TMEM164: variants seen among roughly 807,000 people sequenced by gnomAD.
TMEM164 encodes the protein RP13-360B22.2.
In TMEM164, 4 loss-of-function variants were observed where a neutral mutation model predicts 18.8. The ratio of observed to expected loss-of-function variants is 0.21; its 90% confidence interval spans 0.10 to 0.49. The LOEUF is 0.49. Ranked by LOEUF, TMEM164 falls within the 20% of genes least tolerant of loss-of-function variation. The pLI is 0.98. For synonymous variants in TMEM164, 86 were observed against 101.7 expected, an observed-to-expected ratio of 0.85 and a Z score of 0.93; for missense variants, 108 against 239.9, an observed-to-expected ratio of 0.45 and a Z score of 3.63.
At chrX:110,040,950 T>C (rs1323859698) in intron 2 of TMEM164, among the ~76,000 whole-genome samples, 1 of 111,976 alleles carries the variant, frequency 8.9e-6, no homozygotes, top group East Asian at 2.8e-4. Flanking sequence ...AAGTGGGAAA[T>C]GTTTCTGTGA....
intron 2 of TMEM164, among the ~76,000 whole-genome samples, chrX:110,025,959 A>G (rs947379026): frequency 8.9e-6 from 1 of 112,641 alleles, no homozygotes; most frequent in Non-Finnish European, 1.9e-5. Flanking sequence ...AATCACTGTC[A>G]TTATGTTTTT....
intron 3 of TMEM164, among the ~76,000 whole-genome samples, chrX:110,075,944 A>T (rs761113357): frequency 9.2e-6 from 1 of 108,259 alleles, no homozygotes; most frequent in East Asian, 2.9e-4. Flanking sequence ...TCTTTGACAG[A>T]TTTTGTTATC....
intron 3 of TMEM164, among the ~76,000 whole-genome samples, chrX:110,105,463 G>A (rs2066175832): frequency 9.2e-6 from 1 of 109,008 alleles, no homozygotes; most frequent in Admixed American, 1.0e-4. Flanking sequence ...GGCTGGAGGG[G>A]GGTATAAAGT....
chrX:110,166,928 AT>A (rs1188946809), intron 5 of TMEM164, among the ~76,000 whole-genome samples: 2 of 112,474 alleles, frequency 1.8e-5, no homozygotes, highest in East Asian at 2.8e-4. Flanking sequence ...ATTTGCATAT[AT>A]CTGTGTAGAC....
At chrX:110,035,776 A>ATT (rs386417395) in intron 2 of TMEM164, among the ~76,000 whole-genome samples, 272 of 94,239 alleles carry the variant, frequency 2.9e-3, no homozygotes, top group African/African-American at 0.01. Flanking sequence ...ATGTGCTCCT[A>ATT]TTTTTTTTTT....
At chrX:110,130,378 C>T (rs903059273) in intron 4 of TMEM164, among the ~76,000 whole-genome samples, 10 of 111,856 alleles carry the variant, frequency 8.9e-5, no homozygotes, top group African/African-American at 3.2e-4. Context: ...AGTTACTTAA[C>T]CTCTTTGTGT....
chrX:110,109,080 G>T lies in TMEM164; in HGVS notation c.441G>T (p.Lys147Asn). The T allele has an allele frequency of 8.3e-7, 1 of 1,210,145 alleles. No homozygotes were observed. The highest frequency in any genetic ancestry group is 1.1e-6 in the Non-Finnish European group (1 of 894,521). ...PPCRGAIVVF[K>N]LQMHMLNGAL... ...GAACTTTATCTTTCTCCCCCTCTAGGCTACAGATGCACATGTTGAATGGAG... is the reference window on the plus strand; with the variant it reads ...GAACTTTATCTTTCTCCCCCTCTAGTCTACAGATGCACATGTTGAATGGAG... The change falls in exon 4 of 7, where the codon AAG becomes AAT. Residue 147 changes from lysine to asparagine, a missense_variant and splice_region_variant. Coordinates refer to ENST00000372068, the MANE Select transcript of TMEM164 (RefSeq NM_032227.4).
intron 3 of TMEM164, among the ~76,000 whole-genome samples, chrX:110,076,147 C>A (rs1019973935): frequency 3.7e-5 from 4 of 108,692 alleles, no homozygotes; most frequent in African/African-American, 1.3e-4. Context: ...ATTACTGATT[C>A]AATTTCAGAA....
At chrX:110,140,577 CAG>C (rs2066755746) in intron 4 of TMEM164, among the ~76,000 whole-genome samples, 1 of 111,525 alleles carries the variant, frequency 9.0e-6, no homozygotes, top group Non-Finnish European at 1.9e-5. Context: ...TTTCCACGAA[CAG>C]AGTCCACGCA....
intron 3 of TMEM164, among the ~76,000 whole-genome samples, chrX:110,068,609 A>G (rs1309639965): frequency 8.9e-6 from 1 of 112,202 alleles, no homozygotes; most frequent in Non-Finnish European, 1.9e-5. Flanking sequence ...ATCATATTGT[A>G]TATTGAGGTG....
chrX:110,144,318 G>A (rs1437017083), intron 4 of TMEM164, among the ~76,000 whole-genome samples: 3 of 111,696 alleles, frequency 2.7e-5, no homozygotes, highest in Admixed American at 1.9e-4. Flanking sequence ...ATAGTCTACC[G>A]TCTAGTCTCC....
chrX:110,142,719 A>G (rs1401043154), intron 4 of TMEM164, among the ~76,000 whole-genome samples: 1 of 113,464 alleles, frequency 8.8e-6, no homozygotes. Flanking sequence ...ACCGATGCCA[A>G]AACGGAGGTG....
intron 2 of TMEM164, among the ~76,000 whole-genome samples, chrX:110,063,328 A>G (rs748117239): frequency 1.5e-4 from 17 of 111,942 alleles, no homozygotes; most frequent in Non-Finnish European, 3.2e-4. Flanking sequence ...TACAAAAGCT[A>G]TCTTCTTTAA....
rs936790565 is a variant in TMEM164, at chrX:110,171,526, T to C, written c.687+6T>C. 2.1e-5 allele frequency: 25 copies of C among 1,174,194 alleles called. No individual in the cohort carries two copies. The highest frequency in any genetic ancestry group is 2.9e-5 in the Non-Finnish European group (25 of 862,613). ...TCTTGCAGATCCTCGGCCTGGTAAGTTTGGTTATATCCCCTTCTATCCCCT... is the reference window on the plus strand; with the variant it reads ...TCTTGCAGATCCTCGGCCTGGTAAGCTTGGTTATATCCCCTTCTATCCCCT... On this transcript the variant is annotated splice_donor_region_variant and intron_variant, in intron 6 of 6. Coordinates refer to ENST00000372068, the MANE Select transcript of TMEM164 (RefSeq NM_032227.4).
intron 2 of TMEM164, among the ~76,000 whole-genome samples, chrX:110,048,300 A>T (rs1253681552): frequency 2.7e-5 from 3 of 111,584 alleles, no homozygotes; most frequent in African/African-American, 9.8e-5. Context: ...TTTGTGTTAC[A>T]GCTCTCAAAG....
chrX:110,165,629 T>C (rs1248608703), intron 5 of TMEM164, among the ~76,000 whole-genome samples: 1 of 112,139 alleles, frequency 8.9e-6, no homozygotes, highest in Non-Finnish European at 1.9e-5. Flanking sequence ...ATACCCCAAG[T>C]CCTGTTTCCA....
chrX:110,140,266 G>T (rs2148052086), intron 4 of TMEM164, among the ~76,000 whole-genome samples: 1 of 111,529 alleles, frequency 9.0e-6, no homozygotes, highest in African/African-American at 3.3e-5. Flanking sequence ...GAGGCAGAGA[G>T]AATGGTCTGG....
Position 110,106,444 on chromosome X carries a change from G to A in TMEM164, c.441-2636G>A, listed in dbSNP as rs1408786978. On this transcript the variant is annotated intron_variant, in intron 3 of 6. Coordinates refer to ENST00000372068, the MANE Select transcript of TMEM164 (RefSeq NM_032227.4). ...GCCGGAGTGCAATGGCATGATCTTG[G>A]CTCACTGCAACCTCTGCCTCCCAGG... 2.8e-5 allele frequency among the ~76,000 whole-genome samples: 3 copies of A among 106,989 alleles called. No individual in the cohort carries two copies. In the Admixed American group the frequency reaches 3.0e-4, roughly 11 times the overall value. 92.9% of individuals were successfully genotyped at this position (106,989 alleles called of 115,157 possible).
intron 2 of TMEM164, among the ~76,000 whole-genome samples, chrX:110,025,497 A>G (rs1182359456): frequency 2.7e-5 from 3 of 112,205 alleles, no homozygotes; most frequent in African/African-American, 9.7e-5. Flanking sequence ...ATTTTACCTT[A>G]TTCTCACCTA....
Sources: gnomAD v4.1 joint callset for allele counts (sites outside exome capture counted in the v4.1 genomes callset) on GRCh38, gnomAD v4.1.1 for gene constraint, MANE v1.5 for transcripts, NCBI Gene and HGNC (gene_info 2026-07-23, HGNC 2026-07-21) for gene names.